SOX5: variants seen among roughly 807,000 people sequenced by gnomAD.
The protein encoded by SOX5 is SRY-box transcription factor 5, also known as transcription factor SOX-5.
Under a neutral mutation model 92.0 loss-of-function variants are expected in SOX5, and 9 were observed. That is an observed-to-expected ratio of 0.10 (90% confidence interval 0.06 to 0.17). The LOEUF is 0.17. Among genes scored for constraint, SOX5 ranks in the 10% least tolerant of loss-of-function variants. The pLI is 1.00. For missense variants in SOX5, 642 were observed against 944.5 expected (o/e 0.68, Z 4.20); for synonymous variants, 344 against 336.3 (o/e 1.02, Z -0.25).
exon 1 of SOX5, chr12:24,562,448 CT>C (rs1566475129): frequency 6.6e-6 from 1 of 151,958 alleles, no homozygotes; most frequent in Non-Finnish European, 1.5e-5. Context: ...CTTTTTCACT[CT>C]GTGTGTGTGT....
At chr12:23,703,128 A>G (rs1055034989) in intron 6 of SOX5, among the ~76,000 whole-genome samples, 1 of 152,024 alleles carries the variant, frequency 6.6e-6, no homozygotes, top group African/African-American at 2.4e-5. Flanking sequence ...ATCTTAACAT[A>G]ATGAATAAGT....
intron 4 of SOX5, among the ~76,000 whole-genome samples, chr12:24,069,932 C>T (rs763470695): frequency 2.6e-5 from 4 of 152,160 alleles, no homozygotes; most frequent in Non-Finnish European, 5.9e-5. Context: ...CTCCACATAG[C>T]CATTTACTAC....
intron 4 of SOX5, among the ~76,000 whole-genome samples, chr12:24,139,030 G>C (rs1372674236): frequency 6.6e-6 from 1 of 152,138 alleles, no homozygotes; most frequent in Non-Finnish European, 1.5e-5. Flanking sequence ...CGAAACACCA[G>C]ACAACAGGCA....
intron 4 of SOX5, among the ~76,000 whole-genome samples, chr12:24,002,681 G>A (rs1189395043): frequency 6.6e-6 from 1 of 151,280 alleles, no homozygotes; most frequent in Non-Finnish European, 1.5e-5. Context: ...TTTATAGGGA[G>A]TATGTTTAAT....
At chr12:24,189,156 G>A (rs754236865) in intron 4 of SOX5, among the ~76,000 whole-genome samples, 7 of 152,056 alleles carry the variant, frequency 4.6e-5, no homozygotes, top group South Asian at 2.1e-4. Flanking sequence ...GCTTTGTGAC[G>A]GCTGTTAGAA....
chr12:23,910,541 C>T (rs2097340705), intron 1 of SOX5, among the ~76,000 whole-genome samples: 2 of 152,154 alleles, frequency 1.3e-5, no homozygotes, highest in South Asian at 4.1e-4. Context: ...GCTACCATAA[C>T]TGTATTAGTT....
intron 2 of SOX5, among the ~76,000 whole-genome samples, chr12:24,359,983 TAGAGAAAGA>T (rs1565983265): frequency 6.6e-6 from 1 of 151,928 alleles, no homozygotes; most frequent in African/African-American, 2.4e-5. Context: ...TGGAATTGTA[TAGAGAAAGA>T]AAAGGAAGAA....
intron 1 of SOX5, among the ~76,000 whole-genome samples, chr12:23,938,060 C>G (rs928747926): frequency 5.3e-5 from 8 of 150,786 alleles, no homozygotes; most frequent in African/African-American, 1.9e-4. Context: ...TCATTAGCAG[C>G]ATTTTAGACA....
intron 1 of SOX5, among the ~76,000 whole-genome samples, chr12:24,403,081 G>A (rs1029305628): frequency 7.2e-5 from 11 of 152,154 alleles, no homozygotes; most frequent in Admixed American, 5.9e-4. Context: ...TTCAAGACAT[G>A]CTACATTATT....
intron 3 of SOX5, among the ~76,000 whole-genome samples, chr12:24,258,294 C>A (rs139374621): frequency 2.0e-5 from 3 of 152,104 alleles, no homozygotes; most frequent in Non-Finnish European, 4.4e-5. Flanking sequence ...AACAAACAAA[C>A]AAACAAACAA....
Position 23,949,630 on chromosome 12 carries a change from C to G in SOX5, c.-29G>C. On this transcript the variant is annotated 5_prime_UTR_variant, in exon 1 of 15. Transcript: ENST00000451604. ...GGAAAAGCACAATTTCCCTTTGTCACAGCAGCCACCTATGATCGTCTCCAA... is the reference window on the plus strand; with the variant it reads ...GGAAAAGCACAATTTCCCTTTGTCAGAGCAGCCACCTATGATCGTCTCCAA... 1 of 1,613,800 alleles carries G rather than the reference C, an allele frequency of 6.2e-7. No individual in the cohort carries two copies. Among genetic ancestry groups the G allele is most frequent in the Non-Finnish European group, 8.5e-7 (1 of 1,179,798 alleles).
chr12:23,598,636 T>C (rs557156147), intron 9 of SOX5, among the ~76,000 whole-genome samples: 2 of 152,124 alleles, frequency 1.3e-5, no homozygotes, highest in East Asian at 1.9e-4. Flanking sequence ...CCTGACCTCA[T>C]GATCCATCCA....
At chr12:23,958,323 G>T (rs922494210) in intron 4 of SOX5, among the ~76,000 whole-genome samples, 1 of 151,492 alleles carries the variant, frequency 6.6e-6, no homozygotes, top group Non-Finnish European at 1.5e-5. Flanking sequence ...ACACTTAATG[G>T]TTTTTTTTCT....
intron 11 of SOX5, among the ~76,000 whole-genome samples, chr12:23,558,170 C>A (rs1173144577): frequency 6.6e-6 from 1 of 152,182 alleles, no homozygotes; most frequent in Non-Finnish European, 1.5e-5. Context: ...TTCTTTCCTT[C>A]CCAGCTAACA....
intron 2 of SOX5, among the ~76,000 whole-genome samples, chr12:23,865,819 G>A (rs2136580526): frequency 6.6e-6 from 1 of 152,304 alleles, no homozygotes; most frequent in South Asian, 2.1e-4. Flanking sequence ...GTGATGCAAG[G>A]GAGGAGGCCA....
intron 7 of SOX5, among the ~76,000 whole-genome samples, chr12:23,664,117 T>C (rs2083445171): frequency 6.6e-6 from 1 of 152,100 alleles, no homozygotes; most frequent in Admixed American, 6.6e-5. Flanking sequence ...CTTTGCATAT[T>C]TAAGAAATTA....
At chr12:24,036,647 C>T (rs1216250609) in intron 4 of SOX5, among the ~76,000 whole-genome samples, 1 of 152,100 alleles carries the variant, frequency 6.6e-6, no homozygotes, top group Non-Finnish European at 1.5e-5. Context: ...TGCTCTGCAC[C>T]TGATGCTGCT....
chr12:24,233,718 C>A (rs568927497), intron 3 of SOX5, among the ~76,000 whole-genome samples: 1 of 152,184 alleles, frequency 6.6e-6, no homozygotes, highest in African/African-American at 2.4e-5. Flanking sequence ...AAATTGTCAA[C>A]GTTGCTATTT....
intron 7 of SOX5, among the ~76,000 whole-genome samples, chr12:23,646,155 A>G (rs536040027): frequency 6.6e-6 from 1 of 151,978 alleles, no homozygotes; most frequent in African/African-American, 2.4e-5. Context: ...AGGGTAGCTA[A>G]CCTTCCTTTT....
Sources: allele counts gnomAD v4.1 joint callset (sites outside exome capture counted in the v4.1 genomes callset), GRCh38; gene constraint gnomAD v4.1.1; transcripts MANE v1.5; gene names NCBI Gene and HGNC (gene_info 2026-07-23, HGNC 2026-07-21).